Variants in PRKG1 observed in about 807,000 individuals in gnomAD.
PRKG1 encodes the protein protein kinase cGMP-dependent 1, also known as cGMP-dependent protein kinase 1.
A neutral mutation model predicts 88.1 loss-of-function variants in PRKG1; 35 were observed. The observed-to-expected ratio is 0.40, with a 90% CI of 0.30 to 0.53. The LOEUF is 0.53. Among genes scored for constraint, PRKG1 ranks in the 20% least tolerant of loss-of-function variants. The pLI is 0.59. For synonymous variants in PRKG1, 303 were observed against 292.5 expected (o/e 1.04, Z -0.37); for missense variants, 540 against 839.8 (o/e 0.64, Z 4.41).
chr10:51,322,299 A>C (rs917172958), intron 2 of PRKG1, among the ~76,000 whole-genome samples: 2 of 152,226 alleles, frequency 1.3e-5, no homozygotes, highest in African/African-American at 4.8e-5. Context: ...CTGAGAGTCA[A>C]CTTGAGCAAA....
rs183420855 is a variant in PRKG1 at position 51,202,264 on chromosome 10, T to C, written c.478+48934T>C. Among the ~76,000 whole-genome samples, 4 of 152,362 alleles carry C rather than the reference T, an allele frequency of 2.6e-5. No individual in the cohort carries two copies. The East Asian group carries it at 5.8e-4, about 22-fold the overall frequency. On this transcript the variant is annotated intron_variant, in intron 2 of 17. Transcript: ENST00000373980. The stretch of plus-strand genomic sequence containing the variant: ...CATGGGCAATGACTGACTGATGTAA[T>C]GTGTAACAGCCCAGCTTTCTCACAC...
chr10:51,119,578 T>C (rs1241753281), intron 1 of PRKG1, among the ~76,000 whole-genome samples: 1 of 152,024 alleles, frequency 6.6e-6, no homozygotes, highest in Non-Finnish European at 1.5e-5. Flanking sequence ...AACCACTTTC[T>C]ACTCTAATTT....
chr10:51,683,431 C>G (rs535645966), intron 3 of PRKG1, among the ~76,000 whole-genome samples: 1 of 152,344 alleles, frequency 6.6e-6, no homozygotes, highest in African/African-American at 2.4e-5. Flanking sequence ...ACTAAGCAAT[C>G]AATGGGCTCA....
intron 1 of PRKG1, among the ~76,000 whole-genome samples, chr10:51,099,411 A>ACT (rs1234916018): frequency 2.1e-5 from 3 of 145,656 alleles, no homozygotes; most frequent in African/African-American, 7.8e-5. Context: ...ACACACACAC[A>ACT]CTCACTCACT....
intron 4 of PRKG1, among the ~76,000 whole-genome samples, chr10:51,813,705 G>T (rs940077762): frequency 6.6e-6 from 1 of 152,078 alleles, no homozygotes; most frequent in African/African-American, 2.4e-5. Context: ...ATTAGTCCCT[G>T]CACATTGCTG....
At chr10:51,707,920 A>T (rs1841649391) in intron 3 of PRKG1, among the ~76,000 whole-genome samples, 2 of 152,122 alleles carry the variant, frequency 1.3e-5, no homozygotes. Context: ...AAATTAGAAA[A>T]CCTAAAATCT....
chr10:52,219,123 G>A (rs1840183579), intron 9 of PRKG1, among the ~76,000 whole-genome samples: 1 of 151,976 alleles, frequency 6.6e-6, no homozygotes, highest in South Asian at 2.1e-4. Context: ...TTTTTCCTAT[G>A]TTCACACTAG....
At chr10:51,560,086 G>C (rs1837418679) in intron 3 of PRKG1, among the ~76,000 whole-genome samples, 1 of 152,070 alleles carries the variant, frequency 6.6e-6, no homozygotes, top group African/African-American at 2.4e-5. Flanking sequence ...TATTTCTGCA[G>C]CTTTTTAATC....
intron 12 of PRKG1, among the ~76,000 whole-genome samples, chr10:52,279,542 C>T (rs1276129070): frequency 1.3e-5 from 2 of 152,090 alleles, no homozygotes; most frequent in African/African-American, 4.8e-5. Context: ...AAGACACTAC[C>T]TATTTCTGAA....
chr10:52,050,075 G>C (rs995653433), intron 5 of PRKG1, among the ~76,000 whole-genome samples: 1 of 151,984 alleles, frequency 6.6e-6, no homozygotes, highest in Admixed American at 6.6e-5. Flanking sequence ...GTGTGGTGGT[G>C]GTGGTAAGGG....
intron 3 of PRKG1, among the ~76,000 whole-genome samples, chr10:51,666,412 A>G (rs575401713): frequency 6.6e-6 from 1 of 152,326 alleles, no homozygotes; most frequent in African/African-American, 2.4e-5. Context: ...CCTTTGTAAG[A>G]TTCTCTAGTG....
At chr10:51,615,328 A>T (rs768788811) in intron 3 of PRKG1, among the ~76,000 whole-genome samples, 1 of 152,082 alleles carries the variant, frequency 6.6e-6, no homozygotes. Context: ...TTTCTGCATT[A>T]TATCTGTTTG....
At chr10:52,047,085 C>T (rs970353120) in intron 5 of PRKG1, among the ~76,000 whole-genome samples, 3 of 152,044 alleles carry the variant, frequency 2.0e-5, no homozygotes, top group African/African-American at 7.2e-5. Flanking sequence ...CCCAGATGTC[C>T]AGTAGGTTGG....
intron 4 of PRKG1, among the ~76,000 whole-genome samples, chr10:51,825,026 T>G (rs1839849224): frequency 6.6e-6 from 1 of 152,174 alleles, no homozygotes; most frequent in Non-Finnish European, 1.5e-5. Flanking sequence ...ACTGGGGCCT[T>G]TATCTGTATA....
chr10:52,199,701 C>T (rs1393699378), intron 9 of PRKG1, among the ~76,000 whole-genome samples: 1 of 152,094 alleles, frequency 6.6e-6, no homozygotes, highest in Non-Finnish European at 1.5e-5. Flanking sequence ...CTCCGTGACC[C>T]CAGTGCAGAT....
At chr10:51,063,985 C>G (rs1843720845) in intron 1 of PRKG1, among the ~76,000 whole-genome samples, 1 of 151,980 alleles carries the variant, frequency 6.6e-6, no homozygotes, top group Non-Finnish European at 1.5e-5. Flanking sequence ...TAAAATGAGT[C>G]ATGTAAAGAA....
At chr10:51,130,140 C>T (rs1845528355) in intron 1 of PRKG1, among the ~76,000 whole-genome samples, 1 of 152,216 alleles carries the variant, frequency 6.6e-6, no homozygotes, top group African/African-American at 2.4e-5. Context: ...AGTTACACTA[C>T]TTACTTGCCA....
chr10:51,636,781 A>G (rs1309074565), intron 3 of PRKG1, among the ~76,000 whole-genome samples: 1 of 152,178 alleles, frequency 6.6e-6, no homozygotes, highest in Non-Finnish European at 1.5e-5. Context: ...TTAACTAATC[A>G]ATTTCCTTTT....
rs746256641 is a variant in PRKG1, at chr10:52,290,910, C to CT, written c.1962+638dup. On this transcript the variant is annotated intron_variant, in intron 17 of 17. Coordinates refer to ENST00000373980, the MANE Select transcript of PRKG1 (RefSeq NM_006258.4). ...TTCAAAGAGTCTTTACATGATCACT[C>CT]TTTTTTTTTTTTTTTTTTAATTTTT... Among the ~76,000 whole-genome samples, 547 of 122,836 alleles carry CT rather than the reference C, an allele frequency of 4.5e-3. 3 individuals are homozygous for CT. The highest frequency in any genetic ancestry group is 8.4e-3 in the East Asian group (35 of 4,186). 80.6% of individuals were successfully genotyped at this position (122,836 alleles called of 152,430 possible). A position where few individuals can be genotyped will look rare whatever the true frequency, so the allele number is the denominator to read the frequency against.
Sources: allele counts gnomAD v4.1 joint callset (sites outside exome capture counted in the v4.1 genomes callset), GRCh38; gene constraint gnomAD v4.1.1; transcripts MANE v1.5; gene names NCBI Gene and HGNC (gene_info 2026-07-23, HGNC 2026-07-21).